Variants in GALNTL6 observed in about 807,000 individuals in gnomAD.
GALNTL6 encodes polypeptide N-acetylgalactosaminyltransferase like 6.
Under a neutral mutation model 73.7 loss-of-function variants are expected in GALNTL6, and 46 were observed. That is an observed-to-expected ratio of 0.62 (90% CI 0.49 to 0.80). The LOEUF (loss-of-function observed/expected upper bound fraction) is 0.80, where lower values mean the gene tolerates loss of function less well. GALNTL6 is among the 30% of genes least tolerant of loss of function. The probability of loss-of-function intolerance (pLI) is 0.00; values close to 1 mark genes in which losing one functional copy is unlikely to be tolerated. For synonymous variants in GALNTL6, 259 were observed against 263.7 expected (o/e 0.98, Z 0.17); for missense variants, 604 against 755.0 (o/e 0.80, Z 2.34).
intron 2 of GALNTL6, among the ~76,000 whole-genome samples, chr4:172,167,302 G>T (rs544345354): frequency 4.1e-4 from 62 of 152,142 alleles, no homozygotes; most frequent in Non-Finnish European, 6.9e-4. Context: ...CTTGAATGAG[G>T]TTTAACCAGG....
At chr4:172,807,916 G>A (rs555851117) in intron 5 of GALNTL6, among the ~76,000 whole-genome samples, 21 of 152,188 alleles carry the variant, frequency 1.4e-4, no homozygotes, top group East Asian at 1.4e-3. Flanking sequence ...TCCACCTCCC[G>A]GGTTCAATCA....
chr4:172,404,756 A>T (rs1171436772), intron 5 of GALNTL6, among the ~76,000 whole-genome samples: 2 of 152,240 alleles, frequency 1.3e-5, no homozygotes, highest in East Asian at 1.9e-4. Context: ...TGCAAACAGC[A>T]GTCTAATTTG....
At chr4:172,627,764 C>T (rs1424810702) in intron 5 of GALNTL6, among the ~76,000 whole-genome samples, 1 of 151,830 alleles carries the variant, frequency 6.6e-6, no homozygotes. Flanking sequence ...TATCCATTTT[C>T]CCTAGATTTT....
intron 5 of GALNTL6, among the ~76,000 whole-genome samples, chr4:172,747,202 A>G (rs998005009): frequency 4.0e-4 from 61 of 152,250 alleles, no homozygotes; most frequent in African/African-American, 1.4e-3. Flanking sequence ...TCTACAAAGC[A>G]AAGGAAACAA....
intron 8 of GALNTL6, among the ~76,000 whole-genome samples, chr4:172,898,304 A>G (rs1746438872): frequency 6.6e-6 from 1 of 150,398 alleles, no homozygotes; most frequent in South Asian, 2.1e-4. Flanking sequence ...ACACACACAC[A>G]CACACACACA....
Position 172,991,394 on chromosome 4 carries a change from T to G in GALNTL6, c.1372-17784T>G, listed in dbSNP as rs543634945. On this transcript the variant is annotated intron_variant, in intron 10 of 12. Transcript: ENST00000506823. ...TGATTTATGTTAAACCCAGTTTTTG[T>G]TTTTTTTTGTTTTTTTTGTTTTGAG... 1.1e-3 allele frequency among the ~76,000 whole-genome samples: 156 copies of G among 145,992 alleles called. No individual in the cohort carries two copies. The South Asian group carries it at 0.029, about 27-fold the overall frequency.
At chr4:172,486,142 T>G (rs141144140) in intron 5 of GALNTL6, among the ~76,000 whole-genome samples, 99 of 152,334 alleles carry the variant, frequency 6.5e-4, no homozygotes, top group African/African-American at 2.2e-3. Flanking sequence ...TTTTAATTTT[T>G]TATTCTGTGT....
intron 2 of GALNTL6, among the ~76,000 whole-genome samples, chr4:172,103,888 A>G (rs1732594337): frequency 6.6e-6 from 1 of 151,772 alleles, no homozygotes; most frequent in Non-Finnish European, 1.5e-5. Flanking sequence ...ATCCAAAAGC[A>G]GATACTTTGG....
intron 5 of GALNTL6, among the ~76,000 whole-genome samples, chr4:172,462,956 A>C (rs1732669870): frequency 6.6e-6 from 1 of 152,192 alleles, no homozygotes; most frequent in African/African-American, 2.4e-5. Flanking sequence ...AGAGTGAGTA[A>C]TTCTGTCTGT....
chr4:172,531,898 A>G (rs1561125167), intron 5 of GALNTL6, among the ~76,000 whole-genome samples: 2 of 152,344 alleles, frequency 1.3e-5, no homozygotes, highest in South Asian at 2.1e-4. Context: ...GCATGGTCCA[A>G]GACACCAAAG....
At chr4:172,156,536 A>ATGTAG (rs1734270818) in intron 2 of GALNTL6, among the ~76,000 whole-genome samples, 1 of 78,386 alleles carries the variant, frequency 1.3e-5, no homozygotes. Flanking sequence ...ATACATATAT[A>ATGTAG]TATAATATAT....
At chr4:172,934,415 GT>G (rs912795322) in intron 9 of GALNTL6, among the ~76,000 whole-genome samples, 2 of 151,258 alleles carry the variant, frequency 1.3e-5, no homozygotes, top group African/African-American at 2.4e-5. Flanking sequence ...AAACTATAAG[GT>G]TTTTTTCATT....
At chr4:173,037,395 A>G (rs908713221) in intron 12 of GALNTL6, among the ~76,000 whole-genome samples, 28 of 152,282 alleles carry the variant, frequency 1.8e-4, no homozygotes, top group Admixed American at 5.9e-4. Context: ...CAATTTTTCA[A>G]CTTTTATGAG....
intron 2 of GALNTL6, among the ~76,000 whole-genome samples, chr4:171,849,263 A>G (rs1735455626): frequency 6.6e-6 from 1 of 152,248 alleles, no homozygotes; most frequent in Admixed American, 6.5e-5. Flanking sequence ...CAGACAATAG[A>G]GAGGCCTGAG....
intron 2 of GALNTL6, among the ~76,000 whole-genome samples, chr4:171,921,265 T>C (rs948998100): frequency 1.3e-5 from 2 of 152,052 alleles, no homozygotes; most frequent in East Asian, 3.9e-4. Context: ...AAGTAAATAC[T>C]TACTGACTAT....
intron 2 of GALNTL6, among the ~76,000 whole-genome samples, chr4:172,209,036 C>T (rs1330527570): frequency 6.6e-6 from 1 of 152,022 alleles, no homozygotes; most frequent in Non-Finnish European, 1.5e-5. Context: ...TTCTCAAGTA[C>T]ATTTTTTCCT....
intron 5 of GALNTL6, among the ~76,000 whole-genome samples, chr4:172,706,045 T>C (rs1210920793): frequency 6.6e-6 from 1 of 152,118 alleles, no homozygotes; most frequent in African/African-American, 2.4e-5. Flanking sequence ...TGTTATTGTG[T>C]CTTTGAATAA....
intron 5 of GALNTL6, among the ~76,000 whole-genome samples, chr4:172,543,458 T>G (rs766986256): frequency 3.3e-5 from 5 of 152,350 alleles, no homozygotes; most frequent in African/African-American, 1.2e-4. Flanking sequence ...AGGGGCGCTG[T>G]CTTCCTTGAT....
intron 5 of GALNTL6, among the ~76,000 whole-genome samples, chr4:172,502,461 A>G (rs1325429436): frequency 1.4e-5 from 2 of 142,348 alleles, no homozygotes; most frequent in East Asian, 2.2e-4. Flanking sequence ...ACAACATTCA[A>G]CTCATAGATG....
Sources: allele counts gnomAD v4.1 joint callset (sites outside exome capture counted in the v4.1 genomes callset), GRCh38; gene constraint gnomAD v4.1.1; transcripts MANE v1.5; gene names NCBI Gene and HGNC (gene_info 2026-07-23, HGNC 2026-07-21).